PIBF1: variants seen among roughly 807,000 people sequenced by gnomAD.
PIBF1 encodes progesterone-induced-blocking factor 1.
In PIBF1, 90 loss-of-function variants were observed where a neutral mutation model predicts 112.5. The observed-to-expected ratio is 0.80, with a 90% CI of 0.67 to 0.95. The LOEUF is 0.95. PIBF1 is among the 40% of genes least tolerant of loss of function. PIBF1 has a pLI of 0.00. For missense variants in PIBF1, 915 were observed against 852.3 expected (o/e 1.07, Z -0.92); for synonymous variants, 301 against 288.6 (o/e 1.04, Z -0.44).
rs897301856 is a variant in PIBF1 at position 72,800,984 on chromosome 13, A to G, written c.672+2958A>G. Among the ~76,000 whole-genome samples, 14 of 152,282 alleles carry G rather than the reference A, an allele frequency of 9.2e-5. 1 individual carries two copies. The highest frequency in any genetic ancestry group is 6.8e-3 in the Middle Eastern group (2 of 294). On this transcript the variant is annotated intron_variant, in intron 5 of 17. Coordinates refer to ENST00000326291, the MANE Select transcript of PIBF1 (RefSeq NM_006346.4). Reference sequence around the variant, plus strand: ...AGAGAACAAGGCTGTCTTCCTTGAGACAGCTCAGGGAAGAGCTTCTAGGTA... The same window carrying G: ...AGAGAACAAGGCTGTCTTCCTTGAGGCAGCTCAGGGAAGAGCTTCTAGGTA...
At chr13:72,980,932 G>A (rs2043141414) in intron 16 of PIBF1, among the ~76,000 whole-genome samples, 1 of 151,692 alleles carries the variant, frequency 6.6e-6, no homozygotes, top group Non-Finnish European at 1.5e-5. Context: ...GGACAATTGA[G>A]GAAGGGGCAT....
At chr13:72,890,133 A>G (rs554730186) in intron 10 of PIBF1, among the ~76,000 whole-genome samples, 15 of 152,182 alleles carry the variant, frequency 9.9e-5, no homozygotes, top group Non-Finnish European at 2.1e-4. Context: ...AAAGACTGCC[A>G]ATGTAAATTT....
At chr13:72,806,736 TG>T (rs2035755458) in intron 5 of PIBF1, among the ~76,000 whole-genome samples, 1 of 152,210 alleles carries the variant, frequency 6.6e-6, no homozygotes, top group Non-Finnish European at 1.5e-5. Flanking sequence ...TATTCCATGG[TG>T]TATATGTGCC....
chr13:72,808,128 G>A (rs181100842), intron 5 of PIBF1, among the ~76,000 whole-genome samples: 23 of 151,740 alleles, frequency 1.5e-4, no homozygotes, highest in Admixed American at 1.2e-3. Context: ...GAACATTTGA[G>A]TATGGTTTTT....
At chr13:72,946,810 T>C (rs1199782370) in intron 14 of PIBF1, among the ~76,000 whole-genome samples, 2 of 152,180 alleles carry the variant, frequency 1.3e-5, no homozygotes, top group African/African-American at 4.8e-5. Context: ...ATGCAAGAGG[T>C]GGGCTCCCAC....
chr13:72,991,832 C>A (rs2043492013), intron 16 of PIBF1, among the ~76,000 whole-genome samples: 1 of 152,092 alleles, frequency 6.6e-6, no homozygotes, highest in Non-Finnish European at 1.5e-5. Flanking sequence ...CATTCTCCTG[C>A]CTCAGCCTCC....
intron 5 of PIBF1, among the ~76,000 whole-genome samples, chr13:72,813,166 T>G (rs2138072813): frequency 6.6e-6 from 1 of 152,352 alleles, no homozygotes; most frequent in Non-Finnish European, 1.5e-5. Flanking sequence ...CTACTTATTT[T>G]ACTATTTTAA....
chr13:72,818,923 A>T (rs2036420571), intron 5 of PIBF1, among the ~76,000 whole-genome samples: 1 of 152,068 alleles, frequency 6.6e-6, no homozygotes, highest in South Asian at 2.1e-4. Context: ...TAAGGCAACC[A>T]GCCACTCTTC....
At chr13:72,830,890 C>G (rs2037074650) in intron 8 of PIBF1, among the ~76,000 whole-genome samples, 1 of 152,116 alleles carries the variant, frequency 6.6e-6, no homozygotes, top group African/African-American at 2.4e-5. Flanking sequence ...AGCTGGGAAT[C>G]CATCTCATCC....
chr13:72,996,400 T>C (rs2043672579), intron 16 of PIBF1, among the ~76,000 whole-genome samples: 1 of 152,032 alleles, frequency 6.6e-6, no homozygotes, highest in Non-Finnish European at 1.5e-5. Flanking sequence ...AAACTAAAGC[T>C]CATTGAACTA....
intron 2 of PIBF1, among the ~76,000 whole-genome samples, chr13:72,790,126 C>T (rs2034822135): frequency 2.0e-5 from 3 of 151,928 alleles, no homozygotes. Flanking sequence ...TTTTTTAATT[C>T]TTGCTTTAGA....
At chr13:72,863,192 C>T (rs1238205510) in intron 10 of PIBF1, among the ~76,000 whole-genome samples, 1 of 151,980 alleles carries the variant, frequency 6.6e-6, no homozygotes, top group Non-Finnish European at 1.5e-5. Context: ...AAAGGACAGA[C>T]AGCAAAGCAA....
At chr13:72,801,006 G>A (rs1179725305) in intron 5 of PIBF1, among the ~76,000 whole-genome samples, 1 of 152,124 alleles carries the variant, frequency 6.6e-6, no homozygotes, top group Non-Finnish European at 1.5e-5. Context: ...AGAGCTTCTA[G>A]GTAGCAAGAA....
rs1342426606 is a variant in PIBF1 at position 72,931,740 on chromosome 13, A to ATATATATATATATATG, written c.1833+476_1833+477insATATATATATATGTAT. On this transcript the variant is annotated intron_variant, in intron 14 of 17. Coordinates refer to ENST00000326291, the MANE Select transcript of PIBF1 (RefSeq NM_006346.4). ...TACGTATATATATATATATATATATATATGTATGCATTTTACATAGCATTT... is the reference window on the plus strand; with the variant it reads ...TACGTATATATATATATATATATATATATATATATATATATGTATGTATGCATTTTACATAGCATTT... Among the ~76,000 whole-genome samples, 177 of 143,638 alleles carry ATATATATATATATATG rather than the reference A, an allele frequency of 1.2e-3. 1 individual carries two copies. Among genetic ancestry groups the ATATATATATATATATG allele is most frequent in the Middle Eastern group, 3.7e-3 (1 of 270 alleles). The allele number at this position is 143,638 out of a possible 152,430, so 94.2% of individuals were successfully genotyped here.
Position 72,893,804 on chromosome 13 carries a change from G to A in PIBF1, c.1343G>A (p.Ser448Asn), listed in dbSNP as rs1219654646. 1.9e-6 allele frequency: 3 copies of A among 1,598,444 alleles called. No individual in the cohort carries two copies. The South Asian group carries it at 3.4e-5, about 18-fold the overall frequency. The change falls in exon 11 of 18, where the codon AGT becomes AAT. Residue 448 changes from serine to asparagine, a missense_variant. Transcript: ENST00000326291. ...LLDRYRELQL[S>N]TESKVTEFLH... ...TTCAGGTACAGAGAACTACAACTTA[G>A]TACAGAAAGCAAAGTAACAGAATTT...
At chr13:72,985,901 G>C (rs922294137) in intron 16 of PIBF1, among the ~76,000 whole-genome samples, 5 of 152,120 alleles carry the variant, frequency 3.3e-5, no homozygotes, top group African/African-American at 1.2e-4. Flanking sequence ...TATAATCCCA[G>C]GACTTTGGGA....
chr13:72,848,195 C>G (rs1346180528), intron 9 of PIBF1, among the ~76,000 whole-genome samples: 1 of 152,178 alleles, frequency 6.6e-6, no homozygotes, highest in Non-Finnish European at 1.5e-5. Context: ...TATTCAGGCT[C>G]AGACGTATTC....
intron 16 of PIBF1, among the ~76,000 whole-genome samples, chr13:72,985,878 A>G (rs1232336223): frequency 6.6e-6 from 1 of 152,056 alleles, no homozygotes; most frequent in East Asian, 1.9e-4. Context: ...GGTCCAGCAC[A>G]GTGGGTCACA....
intron 17 of PIBF1, among the ~76,000 whole-genome samples, chr13:73,015,044 C>G (rs1219372952): frequency 6.6e-6 from 1 of 152,200 alleles, no homozygotes; most frequent in Non-Finnish European, 1.5e-5. Context: ...CCTTGGCCTC[C>G]CAAAGTACTG....
Sources: gnomAD v4.1 joint callset for allele counts (sites outside exome capture counted in the v4.1 genomes callset) on GRCh38, gnomAD v4.1.1 for gene constraint, MANE v1.5 for transcripts, NCBI Gene and HGNC (gene_info 2026-07-23, HGNC 2026-07-21) for gene names.